The following RSF1 variants were observed in gnomAD, a reference collection of about 807,000 sequenced individuals.
The protein encoded by RSF1 is remodeling and spacing factor 1.
RSF1 carries 13 observed loss-of-function variants against 145.2 expected under a neutral mutation model. The observed-to-expected ratio is 0.09, with a 90% confidence interval of 0.06 to 0.14. The LOEUF (loss-of-function observed/expected upper bound fraction) is 0.14. Among genes scored for constraint, RSF1 ranks in the 10% least tolerant of loss-of-function variants. RSF1 has a pLI of 1.00. For synonymous variants in RSF1, 577 were observed against 592.6 expected (o/e 0.97, Z 0.38); for missense variants, 1,517 against 1,718.2 (o/e 0.88, Z 2.07).
intron 1 of RSF1, among the ~76,000 whole-genome samples, chr11:77,792,150 T>C (rs1300461817): frequency 6.6e-6 from 1 of 152,124 alleles, no homozygotes; most frequent in Admixed American, 6.5e-5. Context: ...ACTATGTGGA[T>C]GGTGGCAGGC....
chr11:77,725,444 C>A, intron 5 of RSF1, 101 bp downstream of exon 5: 1 of 1,027,178 alleles, frequency 9.7e-7, no homozygotes, highest in Non-Finnish European at 1.3e-6. Context: ...GCTCCCAATT[C>A]AAATTGAGAT....
At chr11:77,845,545 C>A in the RSF1 span, among the ~76,000 whole-genome samples, 1 of 152,134 alleles carries the variant, frequency 6.6e-6, no homozygotes, top group African/African-American at 2.4e-5. Flanking sequence ...ATTCTCCTGC[C>A]TCAGCCTCCT....
chr11:77,833,785 G>A, the RSF1 span, among the ~76,000 whole-genome samples: 11 of 152,048 alleles, frequency 7.2e-5, no homozygotes, highest in Admixed American at 2.0e-4. Context: ...ACAGTTAATC[G>A]TATATTAATA....
chr11:77,724,889 A>C (rs1003276435), intron 5 of RSF1, among the ~76,000 whole-genome samples: 1 of 152,202 alleles, frequency 6.6e-6, no homozygotes, highest in Non-Finnish European at 1.5e-5. Context: ...GGTTCCTAAC[A>C]GGTTACAGAC....
Position 77,783,636 on chromosome 11 carries a change from G to C in RSF1, c.188-18947C>G, listed in dbSNP as rs554126674. Among the ~76,000 whole-genome samples the C allele has an allele frequency of 8.0e-4, 121 of 152,098 alleles. 1 individual carries two copies. The highest frequency in any genetic ancestry group is 1.1e-3 in the Non-Finnish European group (76 of 67,984). ...GCGGGCGGATTGCTTGAGCCCAGGA[G>C]TTTGAGACCAGCCTGGGCAACACAG... is the stretch of plus-strand genomic sequence containing the variant. On this transcript the variant is annotated intron_variant, in intron 1 of 15. Coordinates refer to ENST00000308488, the MANE Select transcript of RSF1 (RefSeq NM_016578.4).
intron 1 of RSF1, among the ~76,000 whole-genome samples, chr11:77,814,263 C>A (rs187843081): frequency 2.2e-3 from 334 of 150,892 alleles, no homozygotes; most frequent in African/African-American, 7.3e-3. Context: ...TTTGGGAGGC[C>A]GAGGTGGGAG....
intron 1 of RSF1, among the ~76,000 whole-genome samples, chr11:77,819,265 T>C (rs1948812966): frequency 6.6e-6 from 1 of 152,236 alleles, no homozygotes; most frequent in Non-Finnish European, 1.5e-5. Flanking sequence ...TGGAAAACGT[T>C]TCTTCTCCAG....
intron 5 of RSF1, among the ~76,000 whole-genome samples, chr11:77,709,584 A>T (rs1033513775): frequency 1.3e-5 from 2 of 152,260 alleles, no homozygotes; most frequent in Admixed American, 1.3e-4. Flanking sequence ...AATGGGTTCA[A>T]ATACTGAAAT....
intron 1 of RSF1, among the ~76,000 whole-genome samples, chr11:77,772,848 G>GAA (rs1161762028): frequency 0.021 from 1,758 of 84,602 alleles, 38 homozygotes; most frequent in African/African-American, 0.052. Context: ...GCCCAAGATG[G>GAA]AAAAAAAAAA....
intron 10 of RSF1, 94 bp from the exon 11 acceptor site, chr11:77,683,913 C>T: frequency 1.1e-6 from 1 of 883,748 alleles, no homozygotes. Context: ...TTAGGTAGCA[C>T]ATGTGAAAGG....
At chr11:77,668,141 G>A (rs959117310) in intron 15 of RSF1, among the ~76,000 whole-genome samples, 2 of 151,932 alleles carry the variant, frequency 1.3e-5, no homozygotes, top group African/African-American at 4.8e-5. Context: ...GGGATTACAG[G>A]TGTGTGTGCC....
At position 77,667,403 on chromosome 11, in the gene RSF1, C is replaced by A; in HGVS notation, c.3840G>T (p.Glu1280Asp). Reference sequence around the variant, plus strand: ...CCTCCTCCTCATCTGCTTCTGAATACTCGTCTGTGCTTCGGCCCCGCTTTC... The same window carrying A: ...CCTCCTCCTCATCTGCTTCTGAATAATCGTCTGTGCTTCGGCCCCGCTTTC... ...SVRKRGRSTD[E>D]YSEADEEEEE... Residue 1280 changes from glutamate to aspartate, a missense_variant, in exon 16 of 16, where the codon GAG becomes GAT. Around this residue, in one of 12 missense-constraint regions of RSF1, gnomAD observed 240 missense variants for 231.8 expected, o/e 1.04. Coordinates refer to ENST00000308488, the MANE Select transcript of RSF1 (RefSeq NM_016578.4). 1 of 1,614,044 alleles carries A rather than the reference C, an allele frequency of 6.2e-7. No homozygotes were observed. Among genetic ancestry groups the A allele is most frequent in the Non-Finnish European group, 8.5e-7 (1 of 1,180,030 alleles).
chr11:77,713,873 C>T (rs1184490451), intron 5 of RSF1, among the ~76,000 whole-genome samples: 6 of 152,048 alleles, frequency 3.9e-5, no homozygotes, highest in Admixed American at 2.6e-4. Context: ...TTTCACTGTC[C>T]GTAGGGATGT....
intron 11 of RSF1, among the ~76,000 whole-genome samples, chr11:77,679,706 A>G (rs984555423): frequency 3.3e-5 from 5 of 151,864 alleles, no homozygotes; most frequent in Non-Finnish European, 4.4e-5. Context: ...AAGAGTCCCA[A>G]TAATAGGGCT....
At chr11:77,671,246 C>A in intron 15 of RSF1, among the ~76,000 whole-genome samples, 1 of 124,524 alleles carries the variant, frequency 8.0e-6, no homozygotes, top group Non-Finnish European at 1.6e-5. Context: ...ACAAAAAAGA[C>A]TAAATGGATG....
At chr11:77,849,363 T>C in the RSF1 span, among the ~76,000 whole-genome samples, 1 of 152,072 alleles carries the variant, frequency 6.6e-6, no homozygotes, top group Admixed American at 6.6e-5. Flanking sequence ...CTGGGATTAC[T>C]GGTGTGTGTG....
the RSF1 span, among the ~76,000 whole-genome samples, chr11:77,870,383 G>T: frequency 1.4e-5 from 2 of 140,312 alleles, no homozygotes; most frequent in African/African-American, 5.4e-5. Flanking sequence ...TGTCGCCCAG[G>T]CTGAGTGCAG....
chr11:77,813,623 G>A (rs1170530104), intron 1 of RSF1: 7 of 617,586 alleles, frequency 1.1e-5, no homozygotes, highest in Non-Finnish European at 2.1e-5. Flanking sequence ...TTCAATTTCG[G>A]TGAACTGCCA....
chr11:77,701,672 G>T lies in RSF1; in HGVS notation c.1557C>A (p.Val519=), dbSNP rs760605852. 60 of 1,613,852 alleles carry T rather than the reference G, an allele frequency of 3.7e-5. No homozygotes were observed. Among genetic ancestry groups the T allele is most frequent in the Non-Finnish European group, 4.7e-5 (56 of 1,179,962 alleles). Residue 519 remains valine, a synonymous_variant, in exon 6 of 16, where the codon GTC becomes GTA. Coordinates refer to ENST00000308488, the MANE Select transcript of RSF1 (RefSeq NM_016578.4). ...LRKDADSSIS[V]LEIHSQKAQI... is the part of the protein sequence containing the mutation. Reference sequence around the variant, plus strand: ...GTGCTTTTTGACTATGGATCTCTAAGACTGATATTGAACTATCTGCATCTT... The same window carrying T: ...GTGCTTTTTGACTATGGATCTCTAATACTGATATTGAACTATCTGCATCTT...
Sources: gnomAD v4.1 joint callset for allele counts (sites outside exome capture counted in the v4.1 genomes callset) on GRCh38, gnomAD v4.1.1 for gene constraint, gnomAD v4.1.1 regional missense constraint, MANE v1.5 for transcripts, NCBI Gene and HGNC (gene_info 2026-07-23, HGNC 2026-07-21) for gene names.